Variants in TBC1D5 observed in about 807,000 individuals in gnomAD.
TBC1D5 encodes TBC1 domain family, member 5.
In TBC1D5, 75 loss-of-function variants were observed where a neutral mutation model predicts 100.3. The ratio of observed to expected loss-of-function variants is 0.75; its 90% confidence interval spans 0.62 to 0.91. The LOEUF is 0.91. TBC1D5 is among the 40% of genes least tolerant of loss of function. TBC1D5 has a pLI of 0.00. For missense variants in TBC1D5, 910 were observed against 942.4 expected, an observed-to-expected ratio of 0.97 and a Z score of 0.45; for synonymous variants, 323 against 325.6, an observed-to-expected ratio of 0.99 and a Z score of 0.09.
At chr3:17,620,774 T>G (rs1284290858) in intron 2 of TBC1D5, among the ~76,000 whole-genome samples, 1 of 151,802 alleles carries the variant, frequency 6.6e-6, no homozygotes, top group Non-Finnish European at 1.5e-5. Context: ...ATTCAAAAAA[T>G]TAAATCAATA....
At chr3:17,399,430 T>C (rs1048401528) in intron 8 of TBC1D5, among the ~76,000 whole-genome samples, 1 of 152,108 alleles carries the variant, frequency 6.6e-6, no homozygotes, top group Non-Finnish European at 1.5e-5. Context: ...AAACTACACA[T>C]AATGATCCCC....
chr3:17,613,940 T>C (rs1315144832), intron 2 of TBC1D5, among the ~76,000 whole-genome samples: 1 of 152,236 alleles, frequency 6.6e-6, no homozygotes, highest in Non-Finnish European at 1.5e-5. Flanking sequence ...CTTTTGGTGT[T>C]TCAGTCATGA....
At chr3:17,374,397 G>C in intron 12 of TBC1D5, 74 bp downstream of exon 12, 1 of 1,389,184 alleles carries the variant, frequency 7.2e-7, no homozygotes, top group Non-Finnish European at 9.9e-7. Flanking sequence ...ACTATTCTTT[G>C]GTTACATGTT....
chr3:17,690,701 G>C (rs912575549), intron 1 of TBC1D5, among the ~76,000 whole-genome samples: 2 of 152,262 alleles, frequency 1.3e-5, no homozygotes, highest in African/African-American at 4.8e-5. Flanking sequence ...AACTGTACAT[G>C]TGAGCGATCT....
intron 13 of TBC1D5, among the ~76,000 whole-genome samples, chr3:17,326,811 T>C (rs1278846933): frequency 2.6e-5 from 4 of 152,158 alleles, no homozygotes; most frequent in Non-Finnish European, 5.9e-5. Flanking sequence ...AAACTGAAAA[T>C]GTCCAACGCC....
chr3:17,401,332 CAT>C (rs1491352143), intron 8 of TBC1D5, among the ~76,000 whole-genome samples: 11 of 12,984 alleles, frequency 8.5e-4, no homozygotes, highest in African/African-American at 4.7e-3. Flanking sequence ...GTATAATATA[CAT>C]ATATGTATAA....
intron 2 of TBC1D5, among the ~76,000 whole-genome samples, chr3:17,606,544 A>C (rs2061347292): frequency 6.6e-6 from 1 of 152,206 alleles, no homozygotes; most frequent in African/African-American, 2.4e-5. Context: ...TGCAAAAGAA[A>C]AGTAATAATG....
At chr3:17,438,708 T>G (rs1028221580) in intron 3 of TBC1D5, among the ~76,000 whole-genome samples, 1 of 152,198 alleles carries the variant, frequency 6.6e-6, no homozygotes, top group Admixed American at 6.5e-5. Flanking sequence ...GATTATTATA[T>G]AATTTGTCCT....
At chr3:17,421,453 G>A (rs6442683) in intron 4 of TBC1D5, among the ~76,000 whole-genome samples, 59,776 of 151,898 alleles carry the variant, frequency 0.39, 12,408 homozygotes, top group Middle Eastern at 0.47. Context: ...ATAATCTATA[G>A]GTAACCATAG....
chr3:17,705,437 C>G (rs1306079256), intron 1 of TBC1D5, among the ~76,000 whole-genome samples: 1 of 147,646 alleles, frequency 6.8e-6, no homozygotes. Flanking sequence ...CGGAGAGGCT[C>G]CTCACTTCTC....
intron 14 of TBC1D5, among the ~76,000 whole-genome samples, chr3:17,292,623 A>T (rs2081879444): frequency 1.3e-5 from 2 of 150,550 alleles, no homozygotes; most frequent in African/African-American, 4.9e-5. Flanking sequence ...CTGTCATTTA[A>T]TTTTTTTTTT....
At chr3:17,447,471 C>A (rs1204722101) in intron 3 of TBC1D5, among the ~76,000 whole-genome samples, 1 of 152,058 alleles carries the variant, frequency 6.6e-6, no homozygotes, top group Admixed American at 6.6e-5. Context: ...AAGAACTGAT[C>A]TGAAACGGAA....
intron 8 of TBC1D5, among the ~76,000 whole-genome samples, chr3:17,392,366 T>C (rs1257632756): frequency 6.6e-6 from 1 of 151,460 alleles, no homozygotes; most frequent in African/African-American, 2.4e-5. Flanking sequence ...TGTGACCCTT[T>C]TTTTAAAAAA....
intron 1 of TBC1D5, among the ~76,000 whole-genome samples, chr3:17,729,763 A>T (rs2076407414): frequency 6.6e-6 from 1 of 152,176 alleles, no homozygotes; most frequent in Admixed American, 6.5e-5. Flanking sequence ...AATAAAGAAC[A>T]TTAAGTAAAA....
At chr3:17,638,220 G>A (rs776461439) in intron 1 of TBC1D5, among the ~76,000 whole-genome samples, 46 of 151,904 alleles carry the variant, frequency 3.0e-4, no homozygotes, top group Admixed American at 2.6e-4. Flanking sequence ...ATTGATTATA[G>A]TATATACAGA....
chr3:17,285,538 G>A (rs961599075), intron 15 of TBC1D5, among the ~76,000 whole-genome samples: 2 of 152,050 alleles, frequency 1.3e-5, no homozygotes, highest in South Asian at 4.1e-4. Context: ...GGGATTACAG[G>A]CGTGAGCCAC....
At chr3:17,190,469 A>G (rs2069731083) in intron 18 of TBC1D5, among the ~76,000 whole-genome samples, 2 of 152,308 alleles carry the variant, frequency 1.3e-5, no homozygotes, top group South Asian at 4.1e-4. Context: ...GGAGGCAGGA[A>G]AGTATGGCAC....
chr3:17,355,044 C>A (rs145051034), intron 13 of TBC1D5, among the ~76,000 whole-genome samples: 1 of 152,260 alleles, frequency 6.6e-6, no homozygotes, highest in East Asian at 1.9e-4. Flanking sequence ...ATCTGGCCAA[C>A]TGGACTGTAG....
chr3:17,539,656 G>A (rs2096327932), intron 2 of TBC1D5, among the ~76,000 whole-genome samples: 1 of 152,110 alleles, frequency 6.6e-6, no homozygotes, highest in Admixed American at 6.6e-5. Flanking sequence ...GGGAATGCCT[G>A]ATCACCCCCT....
Sources: allele counts gnomAD v4.1 joint callset (sites outside exome capture counted in the v4.1 genomes callset), GRCh38; gene constraint gnomAD v4.1.1; transcripts MANE v1.5; gene names NCBI Gene and HGNC (gene_info 2026-07-23, HGNC 2026-07-21).